Variants in DCC observed in about 807,000 individuals in gnomAD.
The protein encoded by DCC is netrin receptor DCC.
In DCC, 58 loss-of-function variants were observed where a neutral mutation model predicts 172.5. That is an observed-to-expected ratio of 0.34 (90% CI 0.27 to 0.42). DCC has a LOEUF of 0.42. Ranked by LOEUF, DCC falls within the 10% of genes least tolerant of loss-of-function variation. The probability of loss-of-function intolerance (pLI) is 1.00; values close to 1 mark genes in which losing one functional copy is unlikely to be tolerated. For synonymous variants in DCC, 709 were observed against 644.5 expected, an observed-to-expected ratio of 1.10 and a Z score of -1.52; for missense variants, 1,740 against 1,791.0, an observed-to-expected ratio of 0.97 and a Z score of 0.51.
At chr18:52,425,571 A>C (rs1455516398) in intron 1 of DCC, among the ~76,000 whole-genome samples, 1 of 152,170 alleles carries the variant, frequency 6.6e-6, no homozygotes, top group East Asian at 1.9e-4. Context: ...CTGCACAGCC[A>C]GTAGAAAATT....
chr18:53,361,841 G>T (rs1428331435), intron 15 of DCC, among the ~76,000 whole-genome samples: 1 of 151,994 alleles, frequency 6.6e-6, no homozygotes, highest in Non-Finnish European at 1.5e-5. Context: ...TTTTTTAAAT[G>T]TAGAGCCTGG....
intron 2 of DCC, among the ~76,000 whole-genome samples, chr18:52,848,366 C>T (rs1334380625): frequency 6.6e-6 from 1 of 152,018 alleles, no homozygotes; most frequent in Non-Finnish European, 1.5e-5. Context: ...GGATTACAGG[C>T]GTGTGCTACC....
At chr18:52,783,508 T>C (rs547258250) in intron 2 of DCC, among the ~76,000 whole-genome samples, 152 of 151,916 alleles carry the variant, frequency 1.0e-3, no homozygotes, top group Middle Eastern at 3.4e-3. Context: ...AAGTAAGTTA[T>C]GTCCATGATG....
intron 1 of DCC, among the ~76,000 whole-genome samples, chr18:52,356,409 T>A (rs766009161): frequency 6.6e-6 from 1 of 152,188 alleles, no homozygotes; most frequent in Non-Finnish European, 1.5e-5. Flanking sequence ...TTATTACTAA[T>A]GCGTAAAGGG....
At chr18:53,529,034 TCTCTCACACACACACACACACA>T (rs2046494033) in intron 28 of DCC, among the ~76,000 whole-genome samples, 1 of 64,382 alleles carries the variant, frequency 1.6e-5, no homozygotes, top group Non-Finnish European at 3.0e-5. Flanking sequence ...TCTCTCTCTC[TCTCTCACACACACACACACACA>T]CACACACACA....
At chr18:52,822,942 G>T (rs1270958664) in intron 2 of DCC, among the ~76,000 whole-genome samples, 1 of 152,024 alleles carries the variant, frequency 6.6e-6, no homozygotes, top group Non-Finnish European at 1.5e-5. Flanking sequence ...TATTTTTTAA[G>T]AAAGTAAGTC....
chr18:52,912,176 G>T (rs1014034824), intron 3 of DCC, among the ~76,000 whole-genome samples: 55 of 152,076 alleles, frequency 3.6e-4, no homozygotes, highest in African/African-American at 1.3e-3. Context: ...TACAATTTAG[G>T]GCATGTTACT....
chr18:52,532,816 T>C (rs1450130130), intron 1 of DCC, among the ~76,000 whole-genome samples: 1 of 152,012 alleles, frequency 6.6e-6, no homozygotes, highest in East Asian at 1.9e-4. Flanking sequence ...ATAAAATATA[T>C]CCTTCTAAAG....
intron 8 of DCC, 145 bp downstream of exon 8, chr18:53,157,657 A>G: frequency 1.2e-6 from 1 of 817,344 alleles, no homozygotes; most frequent in Non-Finnish European, 2.0e-6. Flanking sequence ...TCCCCAGTGG[A>G]GATGTGCACT....
rs1054305917 is a variant in DCC, at chr18:52,340,455, G to T, written c.-333G>T. 7.2e-6 allele frequency: 3 copies of T among 418,612 alleles called. No homozygotes were observed. The highest frequency in any genetic ancestry group is 6.0e-5 in the African/African-American group (3 of 49,588). The allele number at this position is 418,612 out of a possible 1,614,324, so 25.9% of individuals were successfully genotyped here. ...GATGTGGTTTATTGATGACTTGCGAGCCCCTCAGAGAGCTGTCTTCCCTCC... is the reference window on the plus strand; with the variant it reads ...GATGTGGTTTATTGATGACTTGCGATCCCCTCAGAGAGCTGTCTTCCCTCC... On this transcript the variant is annotated 5_prime_UTR_variant, in exon 1 of 29. Coordinates refer to ENST00000442544, the MANE Select transcript of DCC (RefSeq NM_005215.4).
chr18:52,546,901 G>C lies in DCC; in HGVS notation c.92-205153G>C, dbSNP rs1454187091. Among the ~76,000 whole-genome samples, 3 of 152,020 alleles carry C rather than the reference G, an allele frequency of 2.0e-5. No homozygotes were observed. In the South Asian group the frequency reaches 6.2e-4, roughly 32 times the overall value. On this transcript the variant is annotated intron_variant, in intron 1 of 28. Transcript: ENST00000442544. ...AAATTGCTTCTACCAAATTGTGCAC[G>C]ATGGATCCAATTTAGAAGTCTGTCA... is the stretch of plus-strand genomic sequence containing the variant.
At chr18:52,800,269 A>G (rs771604368) in intron 2 of DCC, among the ~76,000 whole-genome samples, 16 of 151,994 alleles carry the variant, frequency 1.1e-4, no homozygotes, top group Non-Finnish European at 1.8e-4. Flanking sequence ...AATCAAATGC[A>G]ATATGACATT....
At chr18:52,459,493 A>G (rs892749879) in intron 1 of DCC, among the ~76,000 whole-genome samples, 9 of 140,784 alleles carry the variant, frequency 6.4e-5, no homozygotes, top group African/African-American at 2.3e-4. Context: ...TTTGAAACAG[A>G]GTCTCACTCT....
intron 1 of DCC, among the ~76,000 whole-genome samples, chr18:52,694,693 G>A (rs546880142): frequency 3.8e-4 from 58 of 152,218 alleles, no homozygotes; most frequent in Non-Finnish European, 6.5e-4. Flanking sequence ...GAAGAAGAGA[G>A]GGTAGAGCTG....
intron 7 of DCC, among the ~76,000 whole-genome samples, chr18:53,073,684 C>A (rs990496686): frequency 1.3e-5 from 2 of 151,874 alleles, no homozygotes; most frequent in Non-Finnish European, 2.9e-5. Context: ...TATCTGTCCT[C>A]CCCTGGAAAA....
intron 2 of DCC, among the ~76,000 whole-genome samples, chr18:52,762,379 C>A (rs2037175536): frequency 6.6e-6 from 1 of 151,556 alleles, no homozygotes; most frequent in Non-Finnish European, 1.5e-5. Context: ...GAGGCTGAGG[C>A]AGAAGGATCA....
At chr18:52,980,406 T>C (rs1378215209) in intron 5 of DCC, among the ~76,000 whole-genome samples, 1 of 152,288 alleles carries the variant, frequency 6.6e-6, no homozygotes, top group South Asian at 2.1e-4. Context: ...TCTAGAAATT[T>C]CAGGGTCCGG....
Position 53,215,596 on chromosome 18 carries a change from G to T in DCC, c.1910G>T (p.Arg637Ile), listed in dbSNP as rs1568370301. 4 of 1,613,006 alleles carry T rather than the reference G, an allele frequency of 2.5e-6. No homozygotes were observed. Among genetic ancestry groups the T allele is most frequent in the Non-Finnish European group, 3.4e-6 (4 of 1,179,038 alleles). The stretch of plus-strand genomic sequence containing the variant: ...GTCTCCCTGGAAGTGGTCAATTCAA[G>T]AGTAAGTTGGCTAAATGTTCACTAC... ...QNVSLEVVNS[R>I]SIKVSWLPPP... Residue 637 changes from arginine to isoleucine, a missense_variant and splice_region_variant, in exon 12 of 29, where the codon AGA becomes ATA. Physicochemically the swap from Arg to Ile is moderately conservative, Grantham distance 97 (BLOSUM62 -3). Transcript: ENST00000442544.
At position 52,898,146 on chromosome 18, in the gene DCC, A is replaced by G. The variant is rs1042755465; in HGVS notation, c.413-7898A>G. ...CGCTCTCCTCTGGCAGTTGCAGAGT[A>G]TTACCACACTGCTGAATATTTAAAA... On this transcript the variant is annotated intron_variant, in intron 2 of 28. Transcript: ENST00000442544. Among the ~76,000 whole-genome samples, 32 of 152,222 alleles carry G rather than the reference A, an allele frequency of 2.1e-4. 1 individual carries two copies. The highest frequency in any genetic ancestry group is 6.8e-4 in the African/African-American group (28 of 41,456).
Sources: allele counts gnomAD v4.1 joint callset (sites outside exome capture counted in the v4.1 genomes callset), GRCh38; gene constraint gnomAD v4.1.1; transcripts MANE v1.5; gene names NCBI Gene and HGNC (gene_info 2026-07-23, HGNC 2026-07-21).